GRM5: variants seen among roughly 807,000 people sequenced by gnomAD.
GRM5 encodes the protein glutamate metabotropic receptor 5, also known as metabotropic glutamate receptor 5.
In GRM5, 19 loss-of-function variants were observed where a neutral mutation model predicts 83.1. The ratio of observed to expected loss-of-function variants is 0.23; its 90% CI spans 0.16 to 0.34. The LOEUF (loss-of-function observed/expected upper bound fraction) is 0.34. GRM5 is among the 10% of genes least tolerant of loss of function. The pLI is 1.00. For missense variants in GRM5, 1,160 were observed against 1,588.3 expected (o/e 0.73, Z 4.58); for synonymous variants, 675 against 633.6 (o/e 1.07, Z -0.98).
chr11:88,851,601 G>A (rs1399526863), intron 2 of GRM5, among the ~76,000 whole-genome samples: 4 of 152,234 alleles, frequency 2.6e-5, no homozygotes, highest in African/African-American at 9.6e-5. Flanking sequence ...TTCAAATACA[G>A]ATAGTAGGTG....
At chr11:88,840,686 G>A (rs1204751040) in intron 3 of GRM5, among the ~76,000 whole-genome samples, 1 of 152,096 alleles carries the variant, frequency 6.6e-6, no homozygotes, top group Non-Finnish European at 1.5e-5. Flanking sequence ...TCTCTATTTG[G>A]ATCCTCTTCA....
chr11:88,833,051 A>G (rs938157974), intron 3 of GRM5, among the ~76,000 whole-genome samples: 4 of 152,150 alleles, frequency 2.6e-5, no homozygotes, highest in African/African-American at 9.6e-5. Context: ...ACATTGGGCT[A>G]GGCAAAGATT....
intron 3 of GRM5, among the ~76,000 whole-genome samples, chr11:88,793,465 A>C (rs1943215944): frequency 6.6e-6 from 1 of 152,200 alleles, no homozygotes; most frequent in Non-Finnish European, 1.5e-5. Context: ...GAACCGTAGT[A>C]TCAATCTGGC....
At chr11:89,060,615 G>A (rs1941972614) in intron 1 of GRM5, among the ~76,000 whole-genome samples, 1 of 152,086 alleles carries the variant, frequency 6.6e-6, no homozygotes, top group Admixed American at 6.6e-5. Flanking sequence ...GGATGAGTCT[G>A]CACCAAGACT....
At chr11:88,557,531 G>C (rs548436260) in intron 8 of GRM5, among the ~76,000 whole-genome samples, 2 of 152,128 alleles carry the variant, frequency 1.3e-5, no homozygotes, top group African/African-American at 4.8e-5. Flanking sequence ...AAAGCTGGAA[G>C]GTGGTTGGCT....
intron 2 of GRM5, among the ~76,000 whole-genome samples, chr11:89,046,178 A>G (rs748125698): frequency 2.0e-5 from 3 of 152,172 alleles, no homozygotes; most frequent in Admixed American, 6.5e-5. Context: ...TGTGCATAAT[A>G]TGTGTTGCAT....
intron 3 of GRM5, among the ~76,000 whole-genome samples, chr11:88,691,446 T>C (rs1441374100): frequency 6.6e-6 from 1 of 152,202 alleles, no homozygotes; most frequent in Non-Finnish European, 1.5e-5. Flanking sequence ...CAAATCACTA[T>C]GCAGCCAAAG....
intron 4 of GRM5, among the ~76,000 whole-genome samples, chr11:88,649,134 T>G (rs1939553077): frequency 7.0e-6 from 1 of 142,442 alleles, no homozygotes; most frequent in African/African-American, 2.6e-5. Flanking sequence ...TTTTTATATG[T>G]GTAATATATG....
intron 2 of GRM5, among the ~76,000 whole-genome samples, chr11:88,896,940 C>T (rs879433982): frequency 3.3e-5 from 5 of 151,856 alleles, no homozygotes; most frequent in Non-Finnish European, 5.9e-5. Context: ...AATTAACCAT[C>T]ATAAAGTGCA....
chr11:88,564,806 G>A (rs145654543), intron 8 of GRM5, among the ~76,000 whole-genome samples: 1 of 152,200 alleles, frequency 6.6e-6, no homozygotes, highest in African/African-American at 2.4e-5. Flanking sequence ...TAAATTGGAA[G>A]ACAGGATGTG....
intron 2 of GRM5, among the ~76,000 whole-genome samples, chr11:88,910,365 A>G (rs2135607969): frequency 6.6e-6 from 1 of 152,182 alleles, no homozygotes; most frequent in Admixed American, 6.5e-5. Context: ...TAATGTTTTT[A>G]TGAACATTGA....
intron 2 of GRM5, among the ~76,000 whole-genome samples, chr11:89,031,860 T>A (rs1941270296): frequency 6.6e-6 from 1 of 152,008 alleles, no homozygotes; most frequent in Non-Finnish European, 1.5e-5. Flanking sequence ...TTTAAGTTGT[T>A]CTCAGACACC....
chr11:88,911,549 G>A (rs183437138), intron 2 of GRM5, among the ~76,000 whole-genome samples: 6 of 152,158 alleles, frequency 3.9e-5, no homozygotes, highest in African/African-American at 1.2e-4. Flanking sequence ...TATTTAATTC[G>A]TGTACCACCC....
intron 3 of GRM5, among the ~76,000 whole-genome samples, chr11:88,773,402 G>A (rs192230355): frequency 4.6e-5 from 7 of 152,236 alleles, no homozygotes; most frequent in African/African-American, 1.7e-4. Context: ...TCTGTAGGTT[G>A]CCTGTTCACT....
At chr11:88,965,817 A>G (rs1591003190) in intron 2 of GRM5, among the ~76,000 whole-genome samples, 1 of 152,186 alleles carries the variant, frequency 6.6e-6, no homozygotes, top group East Asian at 1.9e-4. Flanking sequence ...GGAGGCATCA[A>G]CACTCCTCAG....
At chr11:88,714,310 T>C (rs1941351619) in intron 3 of GRM5, among the ~76,000 whole-genome samples, 1 of 151,880 alleles carries the variant, frequency 6.6e-6, no homozygotes, top group African/African-American at 2.4e-5. Flanking sequence ...TAGGAAGGTT[T>C]CTCAGTGAGC....
intron 9 of GRM5, chr11:88,524,193 T>C (rs1403373872): frequency 4.1e-5 from 4 of 97,820 alleles, no homozygotes; most frequent in Non-Finnish European, 5.8e-5. Flanking sequence ...TTTTTCTTTT[T>C]CTTTCTTTCT....
intron 2 of GRM5, among the ~76,000 whole-genome samples, chr11:88,991,142 G>T (rs1427175065): frequency 6.6e-6 from 1 of 152,102 alleles, no homozygotes; most frequent in Non-Finnish European, 1.5e-5. Flanking sequence ...ATCTCCTTAA[G>T]CTGATAAGCA....
chr11:88,612,436 A>G (rs797007588), intron 4 of GRM5, among the ~76,000 whole-genome samples: 22 of 137,772 alleles, frequency 1.6e-4, no homozygotes, highest in African/African-American at 5.7e-4. Flanking sequence ...ATACATGTGC[A>G]TGTGTCTTTA....
Sources: gnomAD v4.1 joint callset for allele counts (sites outside exome capture counted in the v4.1 genomes callset) on GRCh38, gnomAD v4.1.1 for gene constraint, MANE v1.5 for transcripts, NCBI Gene and HGNC (gene_info 2026-07-23, HGNC 2026-07-21) for gene names.